TLL2: variants seen among roughly 807,000 people sequenced by gnomAD.
The protein encoded by TLL2 is tolloid-like protein 2.
A neutral mutation model predicts 123.0 loss-of-function variants in TLL2; 106 were observed. The observed-to-expected ratio is 0.86, with a 90% CI of 0.74 to 1.01. TLL2 has a LOEUF of 1.01. Among genes scored for constraint, TLL2 ranks in the 50% least tolerant of loss-of-function variants. The probability of loss-of-function intolerance (pLI) is 0.00; values close to 1 mark genes in which losing one functional copy is unlikely to be tolerated. For synonymous variants in TLL2, 494 were observed against 516.8 expected, an observed-to-expected ratio of 0.96 and a Z score of 0.60; for missense variants, 1,332 against 1,336.7, an observed-to-expected ratio of 1.00 and a Z score of 0.06.
At chr10:96,375,307 A>T (rs1846127639) in intron 18 of TLL2, 1 of 152,136 alleles carries the variant, frequency 6.6e-6, no homozygotes, top group Non-Finnish European at 1.5e-5. Context: ...TATTCAACTC[A>T]CATTCTATGG....
chr10:96,508,298 T>C lies in TLL2; in HGVS notation c.175+5213A>G, dbSNP rs151080056. Among the ~76,000 whole-genome samples the C allele has an allele frequency of 3.3e-5, 5 of 152,278 alleles. No individual in the cohort carries two copies. The East Asian group carries it at 9.7e-4, about 29-fold the overall frequency. ...TTCAGTTTCTAGGCTGACAGTAACA[T>C]GAGGGCTGCTGGCAACAGCTGCCCC... On this transcript the variant is annotated intron_variant, in intron 1 of 20. Transcript: ENST00000357947.
In TLL2 at chr10:96,480,353, G is replaced by C; in HGVS notation, c.282C>G (p.Ser94Arg). The C allele has an allele frequency of 1.9e-6, 3 of 1,613,888 alleles. No homozygotes were observed. In the South Asian group the frequency reaches 3.3e-5, roughly 18 times the overall value. Residue 94 changes from serine (S) to arginine (R), a missense_variant, in exon 2 of 21, where the codon AGC becomes AGG. Transcript: ENST00000357947. ...AAGGGAGGAAGCAGTACCTACCTGTGCTGTGTCCTGTTGCCCCCACTGTCT... is the reference window on the plus strand; with the variant it reads ...AAGGGAGGAAGCAGTACCTACCTGTCCTGTGTCCTGTTGCCCCCACTGTCT... ...TKQTVGATGH[S>R]TGGLEEQASE...
chr10:96,447,215 G>A (rs530764934), intron 2 of TLL2, among the ~76,000 whole-genome samples: 25 of 152,250 alleles, frequency 1.6e-4, no homozygotes, highest in Non-Finnish European at 3.4e-4. Context: ...AGGGACAGCC[G>A]CAGTGGGCAA....
chr10:96,388,174 C>G (rs1340147078), intron 13 of TLL2, among the ~76,000 whole-genome samples: 1 of 152,100 alleles, frequency 6.6e-6, no homozygotes, highest in Non-Finnish European at 1.5e-5. Context: ...GAGGCTGAGG[C>G]GGGTGGATCA....
rs1846039838 is a variant in TLL2, at chr10:96,367,460, C to T, written c.*628G>A. 1 of 152,364 alleles carries T rather than the reference C, an allele frequency of 6.6e-6. No homozygotes were observed. The highest frequency in any genetic ancestry group is 2.4e-5 in the African/African-American group (1 of 41,428). 9.4% of individuals were successfully genotyped at this position (152,364 alleles called of 1,614,324 possible). ...CCAAAGGGACAAGGAGAGTGAATGA[C>T]TCTGAGAAATGGCTTTGTGGTCTCC... On this transcript the variant is annotated 3_prime_UTR_variant, in exon 21 of 21. Coordinates refer to ENST00000357947, the MANE Select transcript of TLL2 (RefSeq NM_012465.4).
intron 5 of TLL2, among the ~76,000 whole-genome samples, chr10:96,425,543 T>A (rs959958435): frequency 2.0e-5 from 3 of 151,974 alleles, no homozygotes; most frequent in Admixed American, 2.0e-4. Context: ...TTTTAGCATT[T>A]TCTTCCTATA....
chr10:96,422,553 C>T lies in TLL2; in HGVS notation c.813G>A (p.Gln271=). ...QHVTIIRENI[Q]PGQEYNFLKM... ...ACTCCACACAGGCCTCCTTACCTGG[C>T]TGGATGTTTTCCCTGATGATGGTGA... Residue 271 remains glutamine, a synonymous_variant, in exon 6 of 21, where the codon CAG becomes CAA. Transcript: ENST00000357947. The T allele has an allele frequency of 6.2e-7, 1 of 1,614,046 alleles. No homozygotes were observed. Among genetic ancestry groups the T allele is most frequent in the Non-Finnish European group, 8.5e-7 (1 of 1,180,012 alleles).
chr10:96,452,880 T>C (rs1202029296), intron 2 of TLL2, among the ~76,000 whole-genome samples: 1 of 152,232 alleles, frequency 6.6e-6, no homozygotes, highest in Non-Finnish European at 1.5e-5. Flanking sequence ...AAAAGGTTGA[T>C]TCAGGAATGA....
intron 1 of TLL2, among the ~76,000 whole-genome samples, chr10:96,483,718 A>G (rs1472330141): frequency 6.6e-6 from 1 of 152,146 alleles, no homozygotes; most frequent in Non-Finnish European, 1.5e-5. Flanking sequence ...GAAAGCAAGT[A>G]TTTGTTACAA....
At chr10:96,493,249 T>G (rs922691485) in intron 1 of TLL2, among the ~76,000 whole-genome samples, 23 of 152,184 alleles carry the variant, frequency 1.5e-4, no homozygotes, top group African/African-American at 5.3e-4. Flanking sequence ...TTAACTGCCA[T>G]GCGTCTTTGG....
Position 96,367,874 on chromosome 10 carries a change from G to A in TLL2, c.*214C>T. ...TTAACAGTTCATGAATGATAACATT[G>A]CAGACAGAAGCAAAAGAACATTTTT... On this transcript the variant is annotated 3_prime_UTR_variant, in exon 21 of 21. Coordinates refer to ENST00000357947, the MANE Select transcript of TLL2 (RefSeq NM_012465.4). 2 of 561,554 alleles carry A rather than the reference G, an allele frequency of 3.6e-6. No individual in the cohort carries two copies. Among genetic ancestry groups the A allele is most frequent in the South Asian group, 2.3e-5 (1 of 43,096 alleles). The allele number at this position is 561,554 out of a possible 1,614,324, so 34.8% of individuals were successfully genotyped here. A position where few individuals can be genotyped will look rare whatever the true frequency, so the allele number is the denominator to read the frequency against.
At chr10:96,413,363 G>C (rs1312450778) in intron 7 of TLL2, 47 bp from the exon 8 acceptor site, 3 of 1,593,474 alleles carry the variant, frequency 1.9e-6, no homozygotes, top group Admixed American at 1.7e-5. Context: ...AGGCCATCAG[G>C]CTGTCTGTGC....
intron 1 of TLL2, among the ~76,000 whole-genome samples, chr10:96,497,024 T>C (rs1456985406): frequency 6.6e-6 from 1 of 152,078 alleles, no homozygotes; most frequent in African/African-American, 2.4e-5. Flanking sequence ...CTCATGCCTG[T>C]AATCCCAGCA....
intron 2 of TLL2, among the ~76,000 whole-genome samples, chr10:96,476,486 T>G: frequency 6.6e-6 from 1 of 151,532 alleles, no homozygotes. Context: ...GGTCTTGAAC[T>G]CCTGACCTCA....
chr10:96,445,050 A>G (rs555582509), intron 3 of TLL2, among the ~76,000 whole-genome samples: 3,256 of 152,192 alleles, frequency 0.021, 115 homozygotes, highest in African/African-American at 0.073. Flanking sequence ...TTAGCCGGGC[A>G]CGGTGGCGGG....
intron 1 of TLL2, among the ~76,000 whole-genome samples, chr10:96,504,889 C>T (rs1307737317): frequency 1.3e-5 from 2 of 151,884 alleles, no homozygotes; most frequent in Non-Finnish European, 2.9e-5. Flanking sequence ...GCGCCTGTAG[C>T]GCCAGCTACT....
chr10:96,451,469 A>G (rs1846958193), intron 2 of TLL2, among the ~76,000 whole-genome samples: 1 of 152,218 alleles, frequency 6.6e-6, no homozygotes, highest in African/African-American at 2.4e-5. Context: ...CCATAGATTA[A>G]TATTGCCCAT....
intron 13 of TLL2, among the ~76,000 whole-genome samples, chr10:96,393,618 G>A (rs1375996959): frequency 1.3e-5 from 2 of 152,262 alleles, no homozygotes; most frequent in African/African-American, 2.4e-5. Context: ...GCCAGGGTGG[G>A]ATTGGGGCTG....
In TLL2 at chr10:96,405,160, C is replaced by T; in HGVS notation, c.1267+72G>A. The T allele has an allele frequency of 2.1e-6, 3 of 1,429,226 alleles. No homozygotes were observed. The South Asian group carries it at 3.5e-5, about 17-fold the overall frequency. 88.5% of individuals were successfully genotyped at this position (1,429,226 alleles called of 1,614,324 possible). ...TCCTGTGACCGCTGTCAAGGTGGACCTTCCAGACATTAACAGCATCCCGGG... is the reference window on the plus strand; with the variant it reads ...TCCTGTGACCGCTGTCAAGGTGGACTTTCCAGACATTAACAGCATCCCGGG... On this transcript the variant is annotated intron_variant, in intron 10 of 20. Coordinates refer to ENST00000357947, the MANE Select transcript of TLL2 (RefSeq NM_012465.4).
Sources: allele counts gnomAD v4.1 joint callset (sites outside exome capture counted in the v4.1 genomes callset), GRCh38; gene constraint gnomAD v4.1.1; transcripts MANE v1.5; gene names NCBI Gene and HGNC (gene_info 2026-07-23, HGNC 2026-07-21).